Variants in POU6F2 observed in about 807,000 individuals in gnomAD.
POU6F2 encodes POU class 6 homeobox 2.
Under a neutral mutation model 71.3 loss-of-function variants are expected in POU6F2, and 31 were observed. The ratio of observed to expected loss-of-function variants is 0.43; its 90% CI spans 0.33 to 0.59. The LOEUF is 0.59. Ranked by LOEUF, POU6F2 falls within the 20% of genes least tolerant of loss-of-function variation. The pLI, the probability that POU6F2 is intolerant of heterozygous loss-of-function variation, is 0.04. For synonymous variants in POU6F2, 347 were observed against 355.7 expected (o/e 0.98, Z 0.27); for missense variants, 783 against 856.8 (o/e 0.91, Z 1.07).
At chr7:39,383,417 A>G (rs1243053086) in intron 5 of POU6F2, among the ~76,000 whole-genome samples, 2 of 152,116 alleles carry the variant, frequency 1.3e-5, no homozygotes, top group East Asian at 3.9e-4. Flanking sequence ...GAAACTTTCT[A>G]TGTTCCTATT....
Position 39,207,418 on chromosome 7 carries a change from T to C in POU6F2, c.396T>C (p.Ala132=). 6.2e-7 allele frequency: 1 copy of C among 1,614,008 alleles called. No individual in the cohort carries two copies. The highest frequency in any genetic ancestry group is 8.5e-7 in the Non-Finnish European group (1 of 1,179,866). ...CACTTCTGACGGCACAGCAGTTAGCTTCTGCTGTGGCCGGCGTGATGCCGG... is the reference window on the plus strand; with the variant it reads ...CACTTCTGACGGCACAGCAGTTAGCCTCTGCTGTGGCCGGCGTGATGCCGG... The part of the protein sequence containing the change: ...PQPLLTAQQL[A]SAVAGVMPGG... Residue 132 remains alanine (A), a synonymous_variant, in exon 4 of 10, where the codon GCT becomes GCC. Transcript: ENST00000518318.
intron 1 of POU6F2, among the ~76,000 whole-genome samples, chr7:39,054,345 G>A (rs1253074658): frequency 6.6e-6 from 1 of 151,894 alleles, no homozygotes; most frequent in Non-Finnish European, 1.5e-5. Flanking sequence ...AACAGTCATG[G>A]GCAGCGTAAT....
chr7:39,197,265 T>G (rs1014718353), intron 2 of POU6F2, among the ~76,000 whole-genome samples: 1 of 152,088 alleles, frequency 6.6e-6, no homozygotes, highest in Non-Finnish European at 1.5e-5. Context: ...GGTCATATGC[T>G]CAGCATGCAA....
chr7:39,104,894 T>C (rs1791644579), intron 2 of POU6F2, among the ~76,000 whole-genome samples: 1 of 152,234 alleles, frequency 6.6e-6, no homozygotes, highest in South Asian at 2.1e-4. Context: ...GAAGCAGAGT[T>C]AAATGGGAGA....
At chr7:39,122,833 G>A (rs183852053) in intron 2 of POU6F2, among the ~76,000 whole-genome samples, 44 of 150,980 alleles carry the variant, frequency 2.9e-4, no homozygotes, top group South Asian at 1.3e-3. Context: ...TCAGTCTCCC[G>A]AGTAGCTGAG....
At chr7:39,258,442 G>T (rs1205985544) in intron 4 of POU6F2, among the ~76,000 whole-genome samples, 1 of 152,090 alleles carries the variant, frequency 6.6e-6, no homozygotes, top group Non-Finnish European at 1.5e-5. Context: ...TGTCCTCATT[G>T]GTAGCTGGTA....
In POU6F2 at chr7:39,229,962, T is replaced by G. The variant is rs1013888511; in HGVS notation, c.598+22342T>G. ...TCTCACTTACTTGCCACAGGCACCC[T>G]GTCCAGGCATTATCCTCCTCACTGT... On this transcript the variant is annotated intron_variant, in intron 4 of 9. Coordinates refer to ENST00000518318, the MANE Select transcript of POU6F2 (RefSeq NM_001370959.1). Among the ~76,000 whole-genome samples the G allele has an allele frequency of 2.6e-5, 4 of 152,242 alleles. No homozygotes were observed. The South Asian group carries it at 8.3e-4, about 31-fold the overall frequency.
intron 2 of POU6F2, among the ~76,000 whole-genome samples, chr7:39,139,031 C>T (rs989804399): frequency 1.8e-4 from 27 of 152,188 alleles, no homozygotes; most frequent in African/African-American, 6.0e-4. Context: ...ACAGAGGGGC[C>T]TGTGTGTGGT....
intron 5 of POU6F2, among the ~76,000 whole-genome samples, chr7:39,345,457 T>G (rs1452325668): frequency 6.6e-6 from 1 of 152,218 alleles, no homozygotes; most frequent in African/African-American, 2.4e-5. Context: ...AACAAATGCA[T>G]GTTGGATAAC....
At position 39,324,247 on chromosome 7, in the gene POU6F2, G is replaced by A. The variant is rs559728683; in HGVS notation, c.599-15395G>A. On this transcript the variant is annotated intron_variant, in intron 4 of 9. Coordinates refer to ENST00000518318, the MANE Select transcript of POU6F2 (RefSeq NM_001370959.1). ...GGGGCAGAGTGAGACCTTTGTGGAG[G>A]TCACTAATGTAGTTCCCCAAACTTC... is the stretch of plus-strand genomic sequence containing the variant. Among the ~76,000 whole-genome samples the A allele has an allele frequency of 3.3e-5, 5 of 152,302 alleles. No homozygotes were observed. In the South Asian group the frequency reaches 1.0e-3, roughly 32 times the overall value.
At chr7:39,336,232 A>G (rs1785774749) in intron 4 of POU6F2, among the ~76,000 whole-genome samples, 1 of 152,238 alleles carries the variant, frequency 6.6e-6, no homozygotes, top group Non-Finnish European at 1.5e-5. Context: ...GTTTTGTCCA[A>G]CCATTTCCAC....
At chr7:39,016,063 T>C (rs1274893654) in intron 1 of POU6F2, among the ~76,000 whole-genome samples, 1 of 59,640 alleles carries the variant, frequency 1.7e-5, no homozygotes, top group Non-Finnish European at 3.3e-5. Context: ...ATATTATATA[T>C]AATATATAGA....
intron 6 of POU6F2, among the ~76,000 whole-genome samples, chr7:39,418,987 G>GTATATATGTA (rs1554281423): frequency 1.5e-5 from 2 of 133,986 alleles, no homozygotes; most frequent in Non-Finnish European, 3.1e-5. Flanking sequence ...ATATATATGT[G>GTATATATGTA]TATATATGTG....
intron 1 of POU6F2, among the ~76,000 whole-genome samples, chr7:39,041,664 T>C (rs1051879204): frequency 2.6e-5 from 4 of 151,956 alleles, no homozygotes; most frequent in African/African-American, 7.2e-5. Context: ...TTGTAAATAT[T>C]TTCTTCCAAT....
At chr7:38,981,921 G>A (rs752483439) in intron 1 of POU6F2, among the ~76,000 whole-genome samples, 1 of 152,114 alleles carries the variant, frequency 6.6e-6, no homozygotes, top group Non-Finnish European at 1.5e-5. Flanking sequence ...ATATTTCACC[G>A]TTATAGCATC....
At chr7:39,324,700 A>G (rs969583522) in intron 4 of POU6F2, among the ~76,000 whole-genome samples, 3 of 152,228 alleles carry the variant, frequency 2.0e-5, no homozygotes, top group Admixed American at 6.5e-5. Context: ...GCAGAAATCC[A>G]TGAGACATTT....
intron 8 of POU6F2, among the ~76,000 whole-genome samples, chr7:39,459,483 G>T (rs1421288382): frequency 6.6e-6 from 1 of 151,834 alleles, no homozygotes; most frequent in Non-Finnish European, 1.5e-5. Flanking sequence ...GTTTTGTTTT[G>T]TTTTGTTTTG....
chr7:39,237,530 T>A (rs1436389399), intron 4 of POU6F2, among the ~76,000 whole-genome samples: 1 of 152,186 alleles, frequency 6.6e-6, no homozygotes, highest in African/African-American at 2.4e-5. Flanking sequence ...CCTTTCTTTA[T>A]GGTCCAGGAA....
intron 2 of POU6F2, among the ~76,000 whole-genome samples, chr7:39,130,689 TC>T (rs1241705973): frequency 6.6e-6 from 1 of 152,162 alleles, no homozygotes; most frequent in Non-Finnish European, 1.5e-5. Flanking sequence ...ATTTTTTTTT[TC>T]AAACAGGAGG....
Sources: allele counts gnomAD v4.1 joint callset (sites outside exome capture counted in the v4.1 genomes callset), GRCh38; gene constraint gnomAD v4.1.1; transcripts MANE v1.5; gene names NCBI Gene and HGNC (gene_info 2026-07-23, HGNC 2026-07-21).